Variants in BARHL1 observed in about 807,000 individuals in gnomAD.
BARHL1 encodes barH-like 1 homeobox protein.
In BARHL1, 2 loss-of-function variants were observed where a neutral mutation model predicts 20.1. The ratio of observed to expected loss-of-function variants is 0.10; its 90% CI spans 0.04 to 0.31. The LOEUF is 0.31. BARHL1 is among the 10% of genes least tolerant of loss of function. The probability of loss-of-function intolerance (pLI) is 1.00; values close to 1 mark genes in which losing one functional copy is unlikely to be tolerated. For synonymous variants in BARHL1, 213 were observed against 209.9 expected (o/e 1.01, Z -0.13); for missense variants, 397 against 454.0 (o/e 0.87, Z 1.14).
chr9:132,584,121 A>AGAATGAAGGAAG (rs1305183805), intron 1 of BARHL1, among the ~76,000 whole-genome samples: 30 of 144,218 alleles, frequency 2.1e-4, no homozygotes, highest in African/African-American at 6.3e-4. Flanking sequence ...AAGGAAAGGG[A>AGAATGAAGGAAG]GAAGGAAGGA....
intron 2 of BARHL1, among the ~76,000 whole-genome samples, chr9:132,588,206 A>G (rs1382785597): frequency 1.3e-5 from 2 of 152,098 alleles, no homozygotes; most frequent in Non-Finnish European, 2.9e-5. Context: ...AAATGTACAA[A>G]CACAGAGGCA....
In BARHL1 at chr9:132,588,149, C is replaced by T. The variant is rs149879118; in HGVS notation, c.689+598C>T. Among the ~76,000 whole-genome samples the T allele has an allele frequency of 5.9e-3, 906 of 152,304 alleles. 4 individuals carry two copies. Among genetic ancestry groups the T allele is most frequent in the Admixed American group, 0.01 (158 of 15,300 alleles). On this transcript the variant is annotated intron_variant, in intron 2 of 2. Transcript: ENST00000263610. ...TGGGTGTTGGGGCACCGGACTTGAA[C>T]TCGTTTCCTAATTTCCCTCCCGAAC...
Position 132,587,580 on chromosome 9 carries a change from G to A in BARHL1, c.689+29G>A. On this transcript the variant is annotated intron_variant, in intron 2 of 2. Transcript: ENST00000263610. This position sits in a 1 kb window ranked among gnomAD's most constrained non-coding sequence, Gnocchi z 5.5. Reference sequence around the variant, plus strand: ...AGGCCTGGCTGCGGGGGTAGAGGCAGAAAGGGAACTTCCCCTTTCCTCACA... The same window carrying A: ...AGGCCTGGCTGCGGGGGTAGAGGCAAAAAGGGAACTTCCCCTTTCCTCACA... 6.3e-7 allele frequency: 1 copy of A among 1,575,174 alleles called. No individual in the cohort carries two copies. The highest frequency in any genetic ancestry group is 8.6e-7 in the Non-Finnish European group (1 of 1,157,876).
In BARHL1 at chr9:132,587,236, G is replaced by T; in HGVS notation, c.467-93G>T. 8.1e-7 allele frequency: 1 copy of T among 1,235,392 alleles called. No homozygotes were observed. Among genetic ancestry groups the T allele is most frequent in the Non-Finnish European group, 1.1e-6 (1 of 889,082 alleles). 76.5% of individuals were successfully genotyped at this position (1,235,392 alleles called of 1,614,324 possible). A position where few individuals can be genotyped will look rare whatever the true frequency, so the allele number is the denominator to read the frequency against. ...TGGGTGTCGCGGAACCACCGCTGTC[G>T]GAAGCCGAGGTTACACAAACGCCAC... On this transcript the variant is annotated intron_variant, in intron 1 of 2. Transcript: ENST00000263610. This position sits in a 1 kb window ranked among gnomAD's most constrained non-coding sequence, Gnocchi z 5.5.
intron 1 of BARHL1, 113 bp downstream of exon 1, chr9:132,583,376 G>C: frequency 1.1e-6 from 1 of 944,696 alleles, no homozygotes; most frequent in East Asian, 2.6e-5. Context: ...CTCCCCCAGG[G>C]CTCAGGTTGA....
Position 132,585,530 on chromosome 9 carries a change from C to A in BARHL1, c.467-1799C>A, listed in dbSNP as rs544225949. ...GAAGTAAGGTGGTCGGCGACACTAG[C>A]GGCTGGATCCAAGGTCCAGGGAGAA... On this transcript the variant is annotated intron_variant, in intron 1 of 2. Coordinates refer to ENST00000263610, the MANE Select transcript of BARHL1 (RefSeq NM_020064.4). Among the ~76,000 whole-genome samples the A allele has an allele frequency of 1.1e-3, 168 of 152,282 alleles. 2 individuals are homozygous for A. The highest frequency in any genetic ancestry group is 4.9e-4 in the Non-Finnish European group (33 of 68,034).
chr9:132,583,244 A>T lies in BARHL1; in HGVS notation c.447A>T (p.Ser149=), dbSNP rs779107295. The change falls in exon 1 of 3, where the codon TCA becomes TCT. Residue 149 remains serine (S), a synonymous_variant. Coordinates refer to ENST00000263610, the MANE Select transcript of BARHL1 (RefSeq NM_020064.4). ...TGGACAAAAGTGGCAGCAACGCCTC[A>T]TCGGACTCTGAGTATAAAGGTAAGA... ...DKLDKSGSNA[S]SDSEYKVKEE... 1.9e-6 allele frequency: 3 copies of T among 1,611,860 alleles called. No homozygotes were observed. The Admixed American group carries it at 5.0e-5, about 27-fold the overall frequency.
rs980754772 is a variant in BARHL1, at chr9:132,582,735, C to G, written c.-63C>G. 1 of 1,394,676 alleles carries G rather than the reference C, an allele frequency of 7.2e-7. No individual in the cohort carries two copies. 86.4% of individuals were successfully genotyped at this position (1,394,676 alleles called of 1,614,324 possible). A position where few individuals can be genotyped will look rare whatever the true frequency, so the allele number is the denominator to read the frequency against. On this transcript the variant is annotated 5_prime_UTR_variant, in exon 1 of 3. Coordinates refer to ENST00000263610, the MANE Select transcript of BARHL1 (RefSeq NM_020064.4). ...GCCAGCCCGCAGCTAGGGGCAGGGG[C>G]AGCGGCGGCTGGGGTTGGGGGTGGG...
In BARHL1 at chr9:132,582,884, C is replaced by A; in HGVS notation, c.87C>A (p.Leu29=). The A allele has an allele frequency of 6.2e-7, 1 of 1,613,110 alleles. No homozygotes were observed. Among genetic ancestry groups the A allele is most frequent in the Non-Finnish European group, 8.5e-7 (1 of 1,179,898 alleles). ...CCCTTCCCAAGGGGGACCCCTTGCT[C>A]GGGGACTGCCGTTCGCCCCTGGAGC... ...SPALPKGDPL[L]GDCRSPLELS... is the part of the protein sequence containing the mutation. Residue 29 remains leucine, a synonymous_variant, in exon 1 of 3, where the codon CTC becomes CTA. Coordinates refer to ENST00000263610, the MANE Select transcript of BARHL1 (RefSeq NM_020064.4).
chr9:132,587,613 G>GTCCCCTCC lies in BARHL1; in HGVS notation c.689+62_689+63insTCCCCTCC. 1 of 1,481,752 alleles carries GTCCCCTCC rather than the reference G, an allele frequency of 6.7e-7. No individual in the cohort carries two copies. Among genetic ancestry groups the GTCCCCTCC allele is most frequent in the Non-Finnish European group, 9.2e-7 (1 of 1,089,146 alleles). 91.8% of individuals were successfully genotyped at this position (1,481,752 alleles called of 1,614,324 possible). A position where few individuals can be genotyped will look rare whatever the true frequency, so the allele number is the denominator to read the frequency against. Reference sequence around the variant, plus strand: ...ACTTCCCCTTTCCTCACAGCTCCTGGAGGGGACCAGGAGTCTACAGGTTGG... The same window carrying GTCCCCTCC: ...ACTTCCCCTTTCCTCACAGCTCCTGGTCCCCTCCAGGGGACCAGGAGTCTACAGGTTGG... On this transcript the variant is annotated intron_variant, in intron 2 of 2. Transcript: ENST00000263610. This position sits in a 1 kb window ranked among gnomAD's most constrained non-coding sequence, Gnocchi z 5.5.
chr9:132,589,058 G>A (rs77074015), intron 2 of BARHL1, among the ~76,000 whole-genome samples, 170 bp from the exon 3 acceptor site: 2,923 of 152,292 alleles, frequency 0.019, 97 homozygotes, highest in African/African-American at 0.066. Flanking sequence ...TAAAAGGAGA[G>A]GATGCACGTA....
In BARHL1 at chr9:132,589,664, G is replaced by T; in HGVS notation, c.*142G>T. 3 of 1,144,582 alleles carry T rather than the reference G, an allele frequency of 2.6e-6. No individual in the cohort carries two copies. The highest frequency in any genetic ancestry group is 3.3e-6 in the Non-Finnish European group (3 of 915,092). The allele number at this position is 1,144,582 out of a possible 1,614,324, so 70.9% of individuals were successfully genotyped here. A position where few individuals can be genotyped will look rare whatever the true frequency, so the allele number is the denominator to read the frequency against. On this transcript the variant is annotated 3_prime_UTR_variant, in exon 3 of 3. Coordinates refer to ENST00000263610, the MANE Select transcript of BARHL1 (RefSeq NM_020064.4). ...CTGGCGCCCCAGCCCAGTGCCCCCC[G>T]AAGGGCCAAATGCCAAGTCCACTGA...
intron 1 of BARHL1, among the ~76,000 whole-genome samples, chr9:132,584,861 AG>A (rs759661404): frequency 3.3e-5 from 5 of 152,164 alleles, no homozygotes; most frequent in African/African-American, 4.8e-5. Context: ...GGCATGGAGA[AG>A]GGGGAGGAGG....
Position 132,583,281 on chromosome 9 carries a change from G to A in BARHL1, c.466+18G>A. ...GTATAAAGGTAAGAAAGCAGGAGGT[G>A]AAAACTTGGGGGGATGCTATGTATC... On this transcript the variant is annotated intron_variant, in intron 1 of 2. Coordinates refer to ENST00000263610, the MANE Select transcript of BARHL1 (RefSeq NM_020064.4). The A allele has an allele frequency of 1.9e-6, 3 of 1,585,096 alleles. No individual in the cohort carries two copies. Among genetic ancestry groups the A allele is most frequent in the East Asian group, 4.5e-5 (2 of 44,396 alleles).
At chr9:132,586,035 G>A (rs1460745422) in intron 1 of BARHL1, among the ~76,000 whole-genome samples, 1 of 152,236 alleles carries the variant, frequency 6.6e-6, no homozygotes, top group East Asian at 1.9e-4. Context: ...GGCAGGGAGA[G>A]CCTGGTGCCA....
At chr9:132,585,485 AG>A (rs1830131594) in intron 1 of BARHL1, among the ~76,000 whole-genome samples, 1 of 152,254 alleles carries the variant, frequency 6.6e-6, no homozygotes, top group Non-Finnish European at 1.5e-5. Flanking sequence ...TAATATTTAA[AG>A]AAGCCAAAAC....
rs1389808290 is a variant in BARHL1 at position 132,587,135 on chromosome 9, CGTCCTGTTCCCCTCAGGGTTCAT to C, written c.467-182_467-160del. ...TCTCGGCCTCGGGCGCTCCCGCCGC[CGTCCTGTTCCCCTCAGGGTTCAT>C]GTCCTGTTCCCGGGGCCCCAGAGGT... On this transcript the variant is annotated intron_variant, in intron 1 of 2. Transcript: ENST00000263610. This position sits in a 1 kb window ranked among gnomAD's most constrained non-coding sequence, Gnocchi z 5.5. Among the ~76,000 whole-genome samples, 1 of 152,240 alleles carries C rather than the reference CGTCCTGTTCCCCTCAGGGTTCAT, an allele frequency of 6.6e-6. No individual in the cohort carries two copies. The highest frequency in any genetic ancestry group is 2.4e-5 in the African/African-American group (1 of 41,476).
Position 132,587,842 on chromosome 9 carries a change from G to A in BARHL1, c.689+291G>A, listed in dbSNP as rs903289039. ...ATCCAAGTCCTGCCCCAGCTCAGCCGGAGTGGGGGGAGGTCTGCCTGGAGC... is the reference window on the plus strand; with the variant it reads ...ATCCAAGTCCTGCCCCAGCTCAGCCAGAGTGGGGGGAGGTCTGCCTGGAGC... On this transcript the variant is annotated intron_variant, in intron 2 of 2. Coordinates refer to ENST00000263610, the MANE Select transcript of BARHL1 (RefSeq NM_020064.4). The surrounding 1 kb of genome is among the most constrained non-coding windows in gnomAD (Gnocchi z 5.5). Among the ~76,000 whole-genome samples, 8 of 152,192 alleles carry A rather than the reference G, an allele frequency of 5.3e-5. No homozygotes were observed. Among genetic ancestry groups the A allele is most frequent in the Non-Finnish European group, 1.2e-4 (8 of 68,040 alleles).
chr9:132,587,360 C>A lies in BARHL1; in HGVS notation c.498C>A (p.Ser166Arg). Reference protein sequence around the residue: ...VKEEGDREISSSRDSPPVRLK... With the variant: ...VKEEGDREISRSRDSPPVRLK... ...AGGAGGGCGACCGCGAGATCTCCAG[C>A]TCCAGGGACAGTCCCCCGGTGCGCC... The change falls in exon 2 of 3, where the codon AGC (serine) becomes AGA (arginine). Residue 166 changes from serine to arginine, a missense_variant. Around this residue, in one of 3 missense-constraint regions of BARHL1, gnomAD observed 272 missense variants for 298.7 expected, o/e 0.91. Coordinates refer to ENST00000263610, the MANE Select transcript of BARHL1 (RefSeq NM_020064.4). The surrounding 1 kb of genome is among the most constrained non-coding windows in gnomAD (Gnocchi z 5.5). The A allele has an allele frequency of 6.2e-7, 1 of 1,610,190 alleles. No individual in the cohort carries two copies.
Sources: gnomAD v4.1 joint callset for allele counts (sites outside exome capture counted in the v4.1 genomes callset) on GRCh38, gnomAD v4.1.1 for gene constraint, gnomAD v4.1.1 regional missense constraint, Gnocchi (gnomAD v3.1) non-coding constraint, MANE v1.5 for transcripts, NCBI Gene and HGNC (gene_info 2026-07-23, HGNC 2026-07-21) for gene names.